Variants in CCDC32 observed in about 807,000 individuals in gnomAD.
CCDC32 encodes the protein coiled-coil domain containing 32.
CCDC32 carries 9 observed loss-of-function variants against 20.1 expected under a neutral mutation model. That is an observed-to-expected ratio of 0.45 (90% CI 0.27 to 0.78). The LOEUF (loss-of-function observed/expected upper bound fraction) is 0.78. CCDC32 is among the 30% of genes least tolerant of loss of function. The pLI, the probability that CCDC32 is intolerant of heterozygous loss-of-function variation, is 0.16. For missense variants in CCDC32, 204 were observed against 215.5 expected (o/e 0.95, Z 0.33); for synonymous variants, 63 against 79.0 (o/e 0.80, Z 1.07).
chr15:40,551,274 C>T (rs560282469), downstream of CCDC32, among the ~76,000 whole-genome samples: 517 of 152,002 alleles, frequency 3.4e-3, no homozygotes, highest in Non-Finnish European at 6.4e-3. Flanking sequence ...CCCAGCTACT[C>T]GGGAGGCTGA....
rs142688774 is a variant in CCDC32, at chr15:40,539,840, C to CCACACACACACACACACACA, written c.402-505_402-486dup. Among the ~76,000 whole-genome samples the CCACACACACACACACACACA allele has an allele frequency of 9.6e-3, 1,289 of 134,564 alleles. 12 individuals carry two copies. Among genetic ancestry groups the CCACACACACACACACACACA allele is most frequent in the Admixed American group, 0.021 (259 of 12,454 alleles). 88.3% of individuals were successfully genotyped at this position (134,564 alleles called of 152,430 possible). ...CCTAATAAGAGTGATCAAACTGTTG[C>CCACACACACACACACACACA]CACACACACACACACACACACACAC... On this transcript the variant is annotated intron_variant, in intron 3 of 3. Transcript: ENST00000558113.
At chr15:40,540,460 T>C (rs28510774) in intron 3 of CCDC32, among the ~76,000 whole-genome samples, 1,735 of 150,998 alleles carry the variant, frequency 0.011, 29 homozygotes, top group African/African-American at 0.04. Flanking sequence ...CTCCGCCTCC[T>C]GGGTTCAAGC....
chr15:40,535,092 C>T, downstream of CCDC32: 1 of 850,704 alleles, frequency 1.2e-6, no homozygotes, highest in Non-Finnish European at 1.9e-6. Flanking sequence ...GCCAGCGACT[C>T]CAGGCTCTGT....
intron 3 of CCDC32, among the ~76,000 whole-genome samples, chr15:40,540,141 T>A (rs1416232473): frequency 6.6e-6 from 1 of 151,776 alleles, no homozygotes; most frequent in Non-Finnish European, 1.5e-5. Flanking sequence ...GGAGAAGGGA[T>A]CAGGGAAGAG....
downstream of CCDC32, among the ~76,000 whole-genome samples, chr15:40,524,901 A>AT (rs1189769216): frequency 2.0e-5 from 3 of 149,970 alleles, no homozygotes; most frequent in Non-Finnish European, 3.0e-5. Context: ...TAATTTTTTA[A>AT]TTTTTTGTAG....
intron 3 of CCDC32, among the ~76,000 whole-genome samples, chr15:40,542,726 G>A (rs549041128): frequency 1.3e-5 from 2 of 152,130 alleles, no homozygotes; most frequent in African/African-American, 2.4e-5. Context: ...AAAATTAGCC[G>A]GGCATGGTGG....
At chr15:40,521,761 G>A in the CCDC32 span, among the ~76,000 whole-genome samples, 1 of 151,990 alleles carries the variant, frequency 6.6e-6, no homozygotes, top group Admixed American at 6.6e-5. Context: ...TATCTTCTTT[G>A]GAGCTATGTC....
chr15:40,554,767 G>C (rs1226357105), intron 3 of CCDC32, among the ~76,000 whole-genome samples: 3 of 152,142 alleles, frequency 2.0e-5, no homozygotes, highest in Non-Finnish European at 2.9e-5. Context: ...TAATTGTCAA[G>C]CTCAAGGTCC....
At chr15:40,556,632 G>A (rs910902760) in intron 3 of CCDC32, 2 of 152,336 alleles carry the variant, frequency 1.3e-5, no homozygotes, top group African/African-American at 4.8e-5. Flanking sequence ...GAGGTCAGAA[G>A]TTTGAGACCA....
chr15:40,561,012 T>C (rs1485421190), intron 2 of CCDC32, among the ~76,000 whole-genome samples: 1 of 152,128 alleles, frequency 6.6e-6, no homozygotes, highest in Non-Finnish European at 1.5e-5. Flanking sequence ...ATATACACCA[T>C]AGAACACTAC....
downstream of CCDC32, among the ~76,000 whole-genome samples, chr15:40,549,973 G>C (rs1011283105): frequency 6.6e-6 from 1 of 152,266 alleles, no homozygotes; most frequent in African/African-American, 2.4e-5. Flanking sequence ...GGTGCACCTC[G>C]GCCACAGCTG....
chr15:40,539,218 CT>C (rs1249468197), downstream of CCDC32: 2 of 1,532,568 alleles, frequency 1.3e-6, no homozygotes, highest in Admixed American at 3.9e-5. Flanking sequence ...ACATCCCTGC[CT>C]GGCCCGCCCT....
At chr15:40,534,964 A>G (rs1889047434), downstream of CCDC32, 1 of 702,508 alleles carries the variant, frequency 1.4e-6, no homozygotes, top group African/African-American at 1.7e-5. Context: ...GCCACTTGGT[A>G]TCTGTGTGGT....
At chr15:40,524,717 C>T (rs1894877208), downstream of CCDC32, among the ~76,000 whole-genome samples, 1 of 142,016 alleles carries the variant, frequency 7.0e-6, no homozygotes, top group African/African-American at 2.7e-5. Flanking sequence ...TGGAAAAATT[C>T]ATCAAGCTGT....
At chr15:40,558,317 T>C (rs1428801402) in intron 2 of CCDC32, among the ~76,000 whole-genome samples, 1 of 152,192 alleles carries the variant, frequency 6.6e-6, no homozygotes, top group East Asian at 1.9e-4. Flanking sequence ...CTTTTGTTCC[T>C]GTTATTACCA....
chr15:40,564,756 C>T, intron 1 of CCDC32: 3 of 1,614,184 alleles, frequency 1.9e-6, no homozygotes, highest in Non-Finnish European at 2.5e-6. Context: ...AAAACCAAAA[C>T]TTTGCTCACA....
At chr15:40,563,095 G>A (rs1890765503) in intron 1 of CCDC32, 68 bp from the exon 2 acceptor site, 28 of 1,525,026 alleles carry the variant, frequency 1.8e-5, no homozygotes, top group Non-Finnish European at 2.5e-5. Context: ...GAGCACAGTG[G>A]CTCACGACTG....
rs73386604 is a variant in CCDC32, at chr15:40,553,412, C to G, written c.*559G>C. The G allele has an allele frequency of 5.8e-3, 5,668 of 985,310 alleles. 248 individuals are homozygous for G. The African/African-American group carries it at 0.09, about 16-fold the overall frequency. The allele number at this position is 985,310 out of a possible 1,614,324, so 61.0% of individuals were successfully genotyped here. A position where few individuals can be genotyped will look rare whatever the true frequency, so the allele number is the denominator to read the frequency against. On this transcript the variant is annotated 3_prime_UTR_variant, in exon 4 of 4. Coordinates refer to ENST00000416810, the MANE Select transcript of CCDC32 (RefSeq NM_001080792.4). ...CAAATGAGAGAAAGAAGCCCAGCCT[C>G]TCTCCCTGGAGTCCGTATACTTACT... is the stretch of plus-strand genomic sequence containing the variant.
At chr15:40,548,597 G>A (rs1288917138), downstream of CCDC32, among the ~76,000 whole-genome samples, 1 of 152,066 alleles carries the variant, frequency 6.6e-6, no homozygotes, top group Non-Finnish European at 1.5e-5. Context: ...AAAAACTGGG[G>A]GATGAAATCA....
Sources: gnomAD v4.1 joint callset for allele counts (sites outside exome capture counted in the v4.1 genomes callset) on GRCh38, gnomAD v4.1.1 for gene constraint, MANE v1.5 for transcripts, NCBI Gene and HGNC (gene_info 2026-07-23, HGNC 2026-07-21) for gene names.